Variants in MAPK8 observed in about 807,000 individuals in gnomAD.
MAPK8 encodes JUN N-terminal kinase.
MAPK8 carries 13 observed loss-of-function variants against 52.9 expected under a neutral mutation model. That is an observed-to-expected ratio of 0.25 (90% CI 0.16 to 0.39). The LOEUF (loss-of-function observed/expected upper bound fraction) is 0.39. Among genes scored for constraint, MAPK8 ranks in the 10% least tolerant of loss-of-function variants. The pLI is 1.00. For missense variants in MAPK8, 300 were observed against 519.2 expected, an observed-to-expected ratio of 0.58 and a Z score of 4.10; for synonymous variants, 191 against 169.8, an observed-to-expected ratio of 1.12 and a Z score of -0.97.
chr10:48,341,519 T>C (rs1333348813), intron 1 of MAPK8, among the ~76,000 whole-genome samples: 3 of 152,204 alleles, frequency 2.0e-5, no homozygotes, highest in African/African-American at 7.2e-5. Context: ...AATGAAACAC[T>C]TTTTGGTTAC....
chr10:48,349,637 T>G (rs565441880), intron 1 of MAPK8, among the ~76,000 whole-genome samples: 2 of 152,246 alleles, frequency 1.3e-5, no homozygotes, highest in Non-Finnish European at 2.9e-5. Context: ...AGAAGGAAAT[T>G]TATAGCACTA....
At chr10:48,421,560 T>G (rs1423047033) in intron 6 of MAPK8, among the ~76,000 whole-genome samples, 3 of 152,174 alleles carry the variant, frequency 2.0e-5, no homozygotes, top group Non-Finnish European at 4.4e-5. Flanking sequence ...ATCCCAGCAC[T>G]TTGGGAGGCC....
intron 1 of MAPK8, among the ~76,000 whole-genome samples, chr10:48,381,179 C>T (rs934404819): frequency 7.9e-5 from 12 of 152,140 alleles, no homozygotes; most frequent in Non-Finnish European, 1.8e-4. Context: ...TTACAATAAA[C>T]AGATCCATCT....
At chr10:48,421,844 C>T (rs571943372) in intron 6 of MAPK8, among the ~76,000 whole-genome samples, 2 of 151,910 alleles carry the variant, frequency 1.3e-5, no homozygotes, top group Non-Finnish European at 2.9e-5. Context: ...ACATATGGTT[C>T]CTCTTTAGTT....
chr10:48,362,515 G>GA (rs566645652), intron 1 of MAPK8, among the ~76,000 whole-genome samples: 178 of 129,208 alleles, frequency 1.4e-3, no homozygotes, highest in African/African-American at 4.8e-3. Flanking sequence ...CAAATACAAA[G>GA]AAAAAAACCA....
At chr10:48,353,365 G>A (rs770010625) in intron 1 of MAPK8, among the ~76,000 whole-genome samples, 8 of 152,200 alleles carry the variant, frequency 5.3e-5, no homozygotes, top group Non-Finnish European at 1.0e-4. Context: ...AATCAAGACA[G>A]TGTAGTATTG....
At chr10:48,427,769 G>A (rs538245829) in intron 10 of MAPK8, among the ~76,000 whole-genome samples, 3 of 152,364 alleles carry the variant, frequency 2.0e-5, no homozygotes, top group African/African-American at 7.2e-5. Context: ...TGGGATTATA[G>A]GCGTGAGTGC....
chr10:48,405,024 G>A, intron 3 of MAPK8, 43 bp downstream of exon 3: 1 of 1,395,720 alleles, frequency 7.2e-7, no homozygotes, highest in Non-Finnish European at 9.9e-7. Context: ...ATGAAATCAA[G>A]ATTTATTCAT....
intron 6 of MAPK8, among the ~76,000 whole-genome samples, chr10:48,423,052 T>C (rs2043456820): frequency 6.6e-6 from 1 of 152,214 alleles, no homozygotes; most frequent in African/African-American, 2.4e-5. Flanking sequence ...CTTTTCCTTC[T>C]AAATTGCTCA....
intron 1 of MAPK8, among the ~76,000 whole-genome samples, chr10:48,322,132 A>C (rs1843056581): frequency 6.6e-6 from 1 of 152,146 alleles, no homozygotes; most frequent in East Asian, 1.9e-4. Flanking sequence ...AGATTGGATG[A>C]CTGATTTTTC....
intron 5 of MAPK8, among the ~76,000 whole-genome samples, chr10:48,418,778 CT>C (rs2043196617): frequency 2.6e-5 from 4 of 152,066 alleles, no homozygotes; most frequent in East Asian, 1.9e-4. Context: ...GTCTTTGAGG[CT>C]TTTTTTGACA....
intron 1 of MAPK8, among the ~76,000 whole-genome samples, chr10:48,383,174 T>C (rs2041115412): frequency 6.6e-6 from 1 of 152,028 alleles, no homozygotes; most frequent in African/African-American, 2.4e-5. Context: ...TTTTTATGAC[T>C]TGACCAAGGA....
intron 2 of MAPK8, among the ~76,000 whole-genome samples, chr10:48,403,741 G>GT (rs1279564126): frequency 1.3e-5 from 2 of 150,060 alleles, no homozygotes; most frequent in Non-Finnish European, 3.0e-5. Context: ...TTTGTTTTTT[G>GT]TTTTTTTGTT....
At chr10:48,317,308 A>G (rs1021653059) in intron 1 of MAPK8, among the ~76,000 whole-genome samples, 2 of 152,074 alleles carry the variant, frequency 1.3e-5, no homozygotes, top group African/African-American at 4.8e-5. Context: ...CAGCCTCCCG[A>G]GTAGCTGGGA....
At position 48,420,148 on chromosome 10, in the gene MAPK8, T is replaced by C. The variant is rs752281470; in HGVS notation, c.451-7T>C. The C allele has an allele frequency of 1.9e-6, 3 of 1,600,612 alleles. No individual in the cohort carries two copies. Among genetic ancestry groups the C allele is most frequent in the Admixed American group, 1.7e-5 (1 of 57,750 alleles). ...GGCAGTCATTTTTTAATTTTTATTT[T>C]CTGAAGGACTTAAAGCCCAGTAATA... On this transcript the variant is annotated splice_polypyrimidine_tract_variant and splice_region_variant and intron_variant, in intron 5 of 11. Transcript: ENST00000374189.
At chr10:48,366,896 T>C (rs1192569330) in intron 1 of MAPK8, among the ~76,000 whole-genome samples, 1 of 152,142 alleles carries the variant, frequency 6.6e-6, no homozygotes, top group Non-Finnish European at 1.5e-5. Flanking sequence ...AAAAATTGCT[T>C]TCTAGAATCC....
intron 1 of MAPK8, among the ~76,000 whole-genome samples, chr10:48,356,978 A>G (rs908047546): frequency 6.6e-6 from 1 of 150,568 alleles, no homozygotes; most frequent in Non-Finnish European, 1.5e-5. Flanking sequence ...ATACTAATAT[A>G]GGTTTTAAAG....
intron 7 of MAPK8, chr10:48,424,455 C>CTT (rs556280520): frequency 5.6e-4 from 498 of 893,830 alleles, no homozygotes; most frequent in Middle Eastern, 1.2e-3. Flanking sequence ...TTATTTCTTT[C>CTT]TTTTTTTTTT....
chr10:48,415,666 A>ATAT (rs1408031698), intron 5 of MAPK8, among the ~76,000 whole-genome samples: 8 of 152,176 alleles, frequency 5.3e-5, no homozygotes, highest in African/African-American at 1.9e-4. Flanking sequence ...AATGAGATAA[A>ATAT]GTTGAATATG....
Sources: gnomAD v4.1 joint callset for allele counts (sites outside exome capture counted in the v4.1 genomes callset) on GRCh38, gnomAD v4.1.1 for gene constraint, MANE v1.5 for transcripts, NCBI Gene and HGNC (gene_info 2026-07-23, HGNC 2026-07-21) for gene names.